The following LRFN5 variants were observed in gnomAD, a reference collection of about 807,000 sequenced individuals.
LRFN5 encodes leucine-rich repeat and fibronectin type-III domain-containing protein 5.
A neutral mutation model predicts 45.6 loss-of-function variants in LRFN5; 24 were observed. The observed-to-expected ratio is 0.53, with a 90% CI of 0.38 to 0.74. The LOEUF (loss-of-function observed/expected upper bound fraction) is 0.74, where lower values mean the gene tolerates loss of function less well. Ranked by LOEUF, LRFN5 falls within the 30% of genes least tolerant of loss-of-function variation. The pLI is 0.00. For missense variants in LRFN5, 776 were observed against 861.5 expected (o/e 0.90, Z 1.24); for synonymous variants, 340 against 313.8 (o/e 1.08, Z -0.88).
At chr14:41,743,317 A>C (rs142686923) in intron 1 of LRFN5, among the ~76,000 whole-genome samples, 1 of 149,912 alleles carries the variant, frequency 6.7e-6, no homozygotes, top group East Asian at 1.9e-4. Flanking sequence ...GATATGAAAT[A>C]TACATGGTGT....
intron 1 of LRFN5, among the ~76,000 whole-genome samples, chr14:41,620,332 G>A (rs559951378): frequency 4.6e-5 from 7 of 152,030 alleles, no homozygotes; most frequent in Admixed American, 4.6e-4. Flanking sequence ...GACCAATCCA[G>A]GTTGTTTAGG....
chr14:41,645,722 A>G (rs1201370770), intron 1 of LRFN5, among the ~76,000 whole-genome samples: 2 of 152,156 alleles, frequency 1.3e-5, no homozygotes, highest in African/African-American at 2.4e-5. Context: ...TCCTCTGGGG[A>G]CTGAACATTT....
chr14:41,698,698 T>C (rs562948649), intron 1 of LRFN5, among the ~76,000 whole-genome samples: 2 of 152,226 alleles, frequency 1.3e-5, no homozygotes, highest in South Asian at 4.1e-4. Context: ...GTTGTTTCTT[T>C]GAGAGTTAAT....
At chr14:41,823,161 G>A (rs949505316) in intron 2 of LRFN5, among the ~76,000 whole-genome samples, 1 of 151,884 alleles carries the variant, frequency 6.6e-6, no homozygotes, top group Non-Finnish European at 1.5e-5. Flanking sequence ...GTGACTTATT[G>A]TTTCTGTCAT....
chr14:41,868,402 G>T (rs1260210016), intron 2 of LRFN5, among the ~76,000 whole-genome samples: 4 of 152,060 alleles, frequency 2.6e-5, no homozygotes, highest in African/African-American at 9.7e-5. Context: ...CCAACACAAA[G>T]AAACCAATTG....
Position 41,752,166 on chromosome 14 carries a change from T to G in LRFN5, c.-196-14688T>G, listed in dbSNP as rs552084835. Reference sequence around the variant, plus strand: ...CATTTTCTTAATCCAGTCTATCATTTATGGACATTTGGGTTGGTTCCAAGT... The same window carrying G: ...CATTTTCTTAATCCAGTCTATCATTGATGGACATTTGGGTTGGTTCCAAGT... On this transcript the variant is annotated intron_variant, in intron 1 of 5. Transcript: ENST00000298119. Among the ~76,000 whole-genome samples, 1,106 of 152,268 alleles carry G rather than the reference T, an allele frequency of 7.3e-3. 5 individuals carry two copies. Among genetic ancestry groups the G allele is most frequent in the Middle Eastern group, 0.02 (6 of 294 alleles).
intron 1 of LRFN5, among the ~76,000 whole-genome samples, chr14:41,760,711 A>T (rs1407368156): frequency 1.3e-5 from 2 of 151,776 alleles, no homozygotes; most frequent in Non-Finnish European, 2.9e-5. Context: ...GAAAGAAGGG[A>T]ATCAGGGAGG....
rs564256285 is a variant in LRFN5, at chr14:41,779,253, CT to C, written c.-21+12231del. The stretch of plus-strand genomic sequence containing the variant: ...GCTTGTTCTAAATCAGTTGATATGA[CT>C]TTTTTTGTTTTTGCTTTAGCTTGTG... On this transcript the variant is annotated intron_variant, in intron 2 of 5. Transcript: ENST00000298119. Among the ~76,000 whole-genome samples, 3 of 151,646 alleles carry C rather than the reference CT, an allele frequency of 2.0e-5. No individual in the cohort carries two copies. The South Asian group carries it at 6.2e-4, about 31-fold the overall frequency.
In LRFN5 at chr14:41,898,934, G is replaced by T; in HGVS notation, c.2116G>T (p.Val706Phe). 1 of 1,610,936 alleles carries T rather than the reference G, an allele frequency of 6.2e-7. No individual in the cohort carries two copies. The highest frequency in any genetic ancestry group is 8.5e-7 in the Non-Finnish European group (1 of 1,178,694). Residue 706 changes from valine (V) to phenylalanine (F), a missense_variant, in exon 5 of 6, where the codon GTT becomes TTT. Val to Phe is a conservative substitution (Grantham distance 50). This residue lies in a region of LRFN5 where 465 missense variants were observed against 456.4 expected (regional missense o/e 1.02). Transcript: ENST00000298119. ...ATTCCCAGATGCTTTGCTGACTAAT[G>T]TTGACCAGATTGTCCAGGAAACACA... is the stretch of plus-strand genomic sequence containing the variant. ...HIKPNALLTN[V>F]DQIVQETQRL...
chr14:41,737,437 G>A (rs532052393), intron 1 of LRFN5, among the ~76,000 whole-genome samples: 28 of 152,116 alleles, frequency 1.8e-4, no homozygotes, highest in East Asian at 3.9e-4. Context: ...TTTGAAAACC[G>A]GCACAAGACA....
At chr14:41,820,086 G>T (rs933070784) in intron 2 of LRFN5, among the ~76,000 whole-genome samples, 4 of 151,624 alleles carry the variant, frequency 2.6e-5, no homozygotes, top group Admixed American at 2.6e-4. Flanking sequence ...ACTGTTGATT[G>T]TGTGTTTTGC....
chr14:41,850,416 C>T (rs1169080437), intron 2 of LRFN5, among the ~76,000 whole-genome samples: 15 of 151,664 alleles, frequency 9.9e-5, no homozygotes, highest in Non-Finnish European at 1.9e-4. Context: ...ATCTAAGAAA[C>T]ATAGTCACTT....
chr14:41,741,899 A>G (rs191528957), intron 1 of LRFN5, among the ~76,000 whole-genome samples: 222 of 151,900 alleles, frequency 1.5e-3, no homozygotes, highest in African/African-American at 5.2e-3. Flanking sequence ...TGAATGACCA[A>G]CAGATATATG....
chr14:41,672,330 C>T (rs1881276562), intron 1 of LRFN5, among the ~76,000 whole-genome samples: 1 of 152,008 alleles, frequency 6.6e-6, no homozygotes, highest in Non-Finnish European at 1.5e-5. Context: ...AGATATCATT[C>T]CTCCTTCTCT....
At chr14:41,760,712 A>G (rs574011616) in intron 1 of LRFN5, among the ~76,000 whole-genome samples, 7 of 151,334 alleles carry the variant, frequency 4.6e-5, no homozygotes, top group African/African-American at 1.7e-4. Flanking sequence ...AAAGAAGGGA[A>G]TCAGGGAGGG....
intron 1 of LRFN5, among the ~76,000 whole-genome samples, chr14:41,704,929 T>C (rs1883002356): frequency 6.6e-6 from 1 of 152,140 alleles, no homozygotes; most frequent in African/African-American, 2.4e-5. Flanking sequence ...ATCTTCCAAA[T>C]GCTCTTAAAG....
intron 2 of LRFN5, among the ~76,000 whole-genome samples, chr14:41,840,699 C>T (rs1307645937): frequency 6.6e-6 from 1 of 151,834 alleles, no homozygotes; most frequent in African/African-American, 2.4e-5. Context: ...ATTTTATAGG[C>T]CAGCTGAGAG....
intron 1 of LRFN5, among the ~76,000 whole-genome samples, chr14:41,660,459 T>A (rs1880595683): frequency 6.6e-6 from 1 of 152,106 alleles, no homozygotes; most frequent in African/African-American, 2.4e-5. Flanking sequence ...AAACCTGAAT[T>A]TACAATTACT....
chr14:41,643,134 A>G (rs891738341), intron 1 of LRFN5, among the ~76,000 whole-genome samples: 3 of 152,176 alleles, frequency 2.0e-5, no homozygotes, highest in Non-Finnish European at 2.9e-5. Flanking sequence ...CTCCCTACAT[A>G]TTTTGTTGAT....
Sources: allele counts gnomAD v4.1 joint callset (sites outside exome capture counted in the v4.1 genomes callset), GRCh38; gene constraint gnomAD v4.1.1; regional missense constraint gnomAD v4.1.1; transcripts MANE v1.5; gene names NCBI Gene and HGNC (gene_info 2026-07-23, HGNC 2026-07-21).